The following DCLK1 variants were observed in gnomAD, a reference collection of about 807,000 sequenced individuals.
DCLK1 encodes the protein serine/threonine-protein kinase DCLK1.
In DCLK1, 16 loss-of-function variants were observed where a neutral mutation model predicts 86.2. The observed-to-expected ratio is 0.19, with a 90% CI of 0.13 to 0.28. DCLK1 has a LOEUF of 0.28. Among genes scored for constraint, DCLK1 ranks in the 10% least tolerant of loss-of-function variants. The pLI, the probability that DCLK1 is intolerant of heterozygous loss-of-function variation, is 1.00. For missense variants in DCLK1, 590 were observed against 940.2 expected, an observed-to-expected ratio of 0.63 and a Z score of 4.87; for synonymous variants, 369 against 370.5, an observed-to-expected ratio of 1.00 and a Z score of 0.05.
chr13:35,847,894 CT>C (rs1870330703), intron 6 of DCLK1: 4 of 985,278 alleles, frequency 4.1e-6, no homozygotes, highest in Non-Finnish European at 4.8e-6. Flanking sequence ...ATTTTTCCCC[CT>C]GCCTAGTTGA....
chr13:35,978,058 C>T (rs1264680655), intron 3 of DCLK1, among the ~76,000 whole-genome samples: 5 of 151,918 alleles, frequency 3.3e-5, no homozygotes, highest in East Asian at 1.9e-4. Flanking sequence ...GTATTACTAA[C>T]GATCCATTAC....
chr13:35,895,287 T>C (rs542535834), intron 4 of DCLK1, among the ~76,000 whole-genome samples: 201 of 140,380 alleles, frequency 1.4e-3, no homozygotes, highest in African/African-American at 4.8e-3. Flanking sequence ...ACAGGAAAGG[T>C]AAAAAAAAAA....
chr13:35,814,265 G>A (rs1005746543), intron 11 of DCLK1, among the ~76,000 whole-genome samples: 2 of 152,066 alleles, frequency 1.3e-5, no homozygotes, highest in African/African-American at 4.8e-5. Flanking sequence ...CTGCACGCGC[G>A]CACACACGCA....
chr13:35,818,404 C>T lies in DCLK1; in HGVS notation c.1554+4325G>A, dbSNP rs1408529707. Reference sequence around the variant, plus strand: ...GCTTATTGCTAGATATAATCCACTGCGTGAAAACAAGGACCATGAGTTGCA... The same window carrying T: ...GCTTATTGCTAGATATAATCCACTGTGTGAAAACAAGGACCATGAGTTGCA... On this transcript the variant is annotated intron_variant, in intron 11 of 16. Coordinates refer to ENST00000360631, the MANE Select transcript of DCLK1 (RefSeq NM_001330071.2). 2.6e-5 allele frequency among the ~76,000 whole-genome samples: 4 copies of T among 152,144 alleles called. No homozygotes were observed. In the East Asian group the frequency reaches 5.8e-4, roughly 22 times the overall value.
At chr13:35,892,880 A>G (rs1323633390) in intron 4 of DCLK1, among the ~76,000 whole-genome samples, 1 of 152,218 alleles carries the variant, frequency 6.6e-6, no homozygotes, top group Non-Finnish European at 1.5e-5. Flanking sequence ...ATGATTCTGG[A>G]AAACTTTTCT....
At chr13:36,110,208 A>C (rs1885562137) in intron 3 of DCLK1, among the ~76,000 whole-genome samples, 1 of 152,230 alleles carries the variant, frequency 6.6e-6, no homozygotes, top group East Asian at 1.9e-4. Context: ...AAATGGAGCC[A>C]GTGAAGGGCT....
chr13:35,825,787 T>C (rs1417440922), intron 10 of DCLK1, among the ~76,000 whole-genome samples: 1 of 151,598 alleles, frequency 6.6e-6, no homozygotes, highest in African/African-American at 2.4e-5. Flanking sequence ...TCATATTTTT[T>C]CTTTATTCAA....
At chr13:35,914,842 T>C (rs916618733) in intron 4 of DCLK1, among the ~76,000 whole-genome samples, 2 of 152,204 alleles carry the variant, frequency 1.3e-5, no homozygotes, top group African/African-American at 2.4e-5. Flanking sequence ...TTCATCATTC[T>C]ATCCCTGGCA....
chr13:36,009,700 C>A (rs1276299999), intron 3 of DCLK1, among the ~76,000 whole-genome samples: 2 of 100,210 alleles, frequency 2.0e-5, no homozygotes, highest in Non-Finnish European at 2.0e-5. Context: ...ATTGACTTGG[C>A]GATGCGGGCT....
At chr13:36,016,022 A>G (rs1338101416) in intron 3 of DCLK1, among the ~76,000 whole-genome samples, 3 of 152,176 alleles carry the variant, frequency 2.0e-5, no homozygotes, top group African/African-American at 7.2e-5. Context: ...GGTAATAACT[A>G]CTGAGCAACC....
chr13:36,051,281 G>C (rs1374631491), intron 3 of DCLK1, among the ~76,000 whole-genome samples: 2 of 152,096 alleles, frequency 1.3e-5, no homozygotes, highest in African/African-American at 4.8e-5. Flanking sequence ...GGTCCCTGGA[G>C]ACTCTTCAGT....
chr13:36,091,490 G>A (rs537861424), intron 3 of DCLK1, among the ~76,000 whole-genome samples: 23 of 152,318 alleles, frequency 1.5e-4, no homozygotes, highest in Admixed American at 1.5e-3. Context: ...GTAAGGGCTT[G>A]TTATGTGATG....
chr13:35,904,433 C>T (rs1254459283), intron 4 of DCLK1, among the ~76,000 whole-genome samples: 1 of 152,188 alleles, frequency 6.6e-6, no homozygotes, highest in African/African-American at 2.4e-5. Context: ...CACAGGTGAT[C>T]TGCTCGCCCC....
intron 3 of DCLK1, among the ~76,000 whole-genome samples, chr13:36,030,982 T>C (rs551359899): frequency 6.6e-6 from 1 of 152,288 alleles, no homozygotes; most frequent in Non-Finnish European, 1.5e-5. Flanking sequence ...TGCCCTGTGT[T>C]CTGCAGGTAT....
chr13:35,811,667 C>T (rs1184971313), intron 11 of DCLK1, among the ~76,000 whole-genome samples: 1 of 151,990 alleles, frequency 6.6e-6, no homozygotes, highest in Non-Finnish European at 1.5e-5. Context: ...AACCCTGTCT[C>T]TACTAAAAAT....
At chr13:36,113,932 G>A (rs775978217) in intron 2 of DCLK1, among the ~76,000 whole-genome samples, 89 of 152,178 alleles carry the variant, frequency 5.8e-4, no homozygotes, top group South Asian at 2.1e-4. Context: ...ATGTCAATGT[G>A]AGAATGCCCT....
Position 36,085,354 on chromosome 13 carries a change from T to C in DCLK1, c.723+26515A>G, listed in dbSNP as rs185596851. 8.5e-5 allele frequency among the ~76,000 whole-genome samples: 13 copies of C among 152,314 alleles called. No individual in the cohort carries two copies. The East Asian group carries it at 2.5e-3, about 29-fold the overall frequency. On this transcript the variant is annotated intron_variant, in intron 3 of 16. Transcript: ENST00000360631. ...TCCTATCAGTTTATTGTGTTTTTTT[T>C]CCAGACCTTTGTCTAAATGTATATA... is the stretch of plus-strand genomic sequence containing the variant.
chr13:36,047,217 G>GTA (rs1280557271), intron 3 of DCLK1, among the ~76,000 whole-genome samples: 1 of 152,200 alleles, frequency 6.6e-6, no homozygotes. Flanking sequence ...GGAACCCCTT[G>GTA]TACACTGTTG....
At chr13:35,982,433 G>GGAGGGA (rs1566631731) in intron 3 of DCLK1, among the ~76,000 whole-genome samples, 2 of 21,692 alleles carry the variant, frequency 9.2e-5, no homozygotes, top group African/African-American at 3.0e-4. Context: ...AGAGAGAGAG[G>GGAGGGA]GGGAGGGAGG....
Sources: gnomAD v4.1 joint callset for allele counts (sites outside exome capture counted in the v4.1 genomes callset) on GRCh38, gnomAD v4.1.1 for gene constraint, MANE v1.5 for transcripts, NCBI Gene and HGNC (gene_info 2026-07-23, HGNC 2026-07-21) for gene names.